The following KCNK3 variants were observed in gnomAD, a reference collection of about 807,000 sequenced individuals.
KCNK3 encodes potassium two pore domain channel subfamily K member 3.
Under a neutral mutation model 27.3 loss-of-function variants are expected in KCNK3, and 9 were observed. The ratio of observed to expected loss-of-function variants is 0.33; its 90% confidence interval spans 0.20 to 0.57. The LOEUF (loss-of-function observed/expected upper bound fraction) is 0.57. Ranked by LOEUF, KCNK3 falls within the 20% of genes least tolerant of loss-of-function variation. The pLI, the probability that KCNK3 is intolerant of heterozygous loss-of-function variation, is 0.87. For synonymous variants in KCNK3, 278 were observed against 273.8 expected (o/e 1.02, Z -0.15); for missense variants, 391 against 577.7 (o/e 0.68, Z 3.31).
intron 1 of KCNK3, among the ~76,000 whole-genome samples, chr2:26,703,137 C>A (rs556330474): frequency 3.9e-5 from 6 of 152,092 alleles, no homozygotes; most frequent in Admixed American, 1.3e-4. Context: ...AAGGGCAGGC[C>A]GGAGCTCTCT....
chr2:26,707,364 GAC>G (rs1670388434), intron 1 of KCNK3, among the ~76,000 whole-genome samples: 2 of 152,224 alleles, frequency 1.3e-5, no homozygotes, highest in Non-Finnish European at 2.9e-5. Flanking sequence ...CGAGGCTGCA[GAC>G]ACAGTTTTGT....
At chr2:26,700,401 G>A (rs1251264355) in intron 1 of KCNK3, among the ~76,000 whole-genome samples, 1 of 152,206 alleles carries the variant, frequency 6.6e-6, no homozygotes, top group East Asian at 1.9e-4. Flanking sequence ...CCCCTTAGCT[G>A]GAGCCAGCAT....
chr2:26,725,726 G>A (rs1179840288), intron 1 of KCNK3, among the ~76,000 whole-genome samples: 1 of 152,194 alleles, frequency 6.6e-6, no homozygotes, highest in Non-Finnish European at 1.5e-5. Context: ...ACAGTTACTG[G>A]CCCGACGCTG....
At position 26,729,867 on chromosome 2, in the gene KCNK3, A is replaced by C. The variant is rs1217587752; in HGVS notation, c.*1299A>C. 1 of 151,614 alleles carries C rather than the reference A, an allele frequency of 6.6e-6. No homozygotes were observed. The highest frequency in any genetic ancestry group is 1.5e-5 in the Non-Finnish European group (1 of 68,228). 9.4% of individuals were successfully genotyped at this position (151,614 alleles called of 1,614,324 possible). On this transcript the variant is annotated 3_prime_UTR_variant, in exon 2 of 2. Transcript: ENST00000302909. ...AAAAAAAAAAATGGCAAAGGGAGACAAGAGCCCAGCCTGCTTGTTGCTAGC... is the reference window on the plus strand; with the variant it reads ...AAAAAAAAAAATGGCAAAGGGAGACCAGAGCCCAGCCTGCTTGTTGCTAGC...
At chr2:26,717,210 C>T (rs1165401879) in intron 1 of KCNK3, among the ~76,000 whole-genome samples, 7 of 152,202 alleles carry the variant, frequency 4.6e-5, no homozygotes, top group Non-Finnish European at 1.0e-4. Flanking sequence ...CTGGGCCCCG[C>T]CCTGCCCCCA....
At chr2:26,723,919 A>G (rs570065908) in intron 1 of KCNK3, among the ~76,000 whole-genome samples, 223 of 152,360 alleles carry the variant, frequency 1.5e-3, no homozygotes, top group African/African-American at 5.2e-3. Flanking sequence ...AGAGTCAGCC[A>G]CACAGAAGGA....
rs1000096411 is a variant in KCNK3, at chr2:26,731,987, T to G, written c.*3419T>G. On this transcript the variant is annotated 3_prime_UTR_variant, in exon 2 of 2. Coordinates refer to ENST00000302909, the MANE Select transcript of KCNK3 (RefSeq NM_002246.3). ...CTGCAGTAGGGGCCCCCTGGCTGAG[T>G]GGCCTGATTGACTAAAACATATGTC... 6.6e-6 allele frequency: 1 copy of G among 152,144 alleles called. No homozygotes were observed. The highest frequency in any genetic ancestry group is 1.5e-5 in the Non-Finnish European group (1 of 68,024). The allele number at this position is 152,144 out of a possible 1,614,324, so 9.4% of individuals were successfully genotyped here.
chr2:26,711,118 T>C (rs961764869), intron 1 of KCNK3, among the ~76,000 whole-genome samples: 12 of 152,138 alleles, frequency 7.9e-5, no homozygotes, highest in African/African-American at 2.9e-4. Flanking sequence ...GTCCAGCCTG[T>C]GGCAAGCAGG....
intron 1 of KCNK3, among the ~76,000 whole-genome samples, chr2:26,714,989 A>T (rs527690190): frequency 1.3e-4 from 20 of 152,342 alleles, no homozygotes; most frequent in Middle Eastern, 3.4e-3. Flanking sequence ...GAGACCCTGG[A>T]GGCCACATAC....
intron 1 of KCNK3, among the ~76,000 whole-genome samples, chr2:26,722,891 A>G (rs529670779): frequency 1.3e-5 from 2 of 152,344 alleles, no homozygotes; most frequent in East Asian, 1.9e-4. Flanking sequence ...AAAGCTGGGA[A>G]CCTCATCTCT....
At chr2:26,727,587 C>A in intron 1 of KCNK3, 80 bp from the exon 2 acceptor site, 4 of 1,506,792 alleles carry the variant, frequency 2.7e-6, no homozygotes, top group Non-Finnish European at 3.5e-6. Context: ...GGTGGCGGGG[C>A]AACGGGGAGG....
At chr2:26,702,029 G>T (rs1670314216) in intron 1 of KCNK3, among the ~76,000 whole-genome samples, 1 of 152,144 alleles carries the variant, frequency 6.6e-6, no homozygotes, top group Non-Finnish European at 1.5e-5. Flanking sequence ...GACATGGGGG[G>T]GTTTTTGTAC....
chr2:26,698,876 T>C (rs1670267873), intron 1 of KCNK3, among the ~76,000 whole-genome samples: 1 of 151,574 alleles, frequency 6.6e-6, no homozygotes, highest in Non-Finnish European at 1.5e-5. Flanking sequence ...TGGGCAGACC[T>C]TGCAGAAAGC....
Position 26,704,325 on chromosome 2 carries a change from G to A in KCNK3, c.283+11167G>A, listed in dbSNP as rs1670344362. Among the ~76,000 whole-genome samples, 3 of 152,114 alleles carry A rather than the reference G, an allele frequency of 2.0e-5. No homozygotes were observed. In the South Asian group the frequency reaches 6.2e-4, roughly 32 times the overall value. ...AACACTGAATGCACAGCTTCTGCAT[G>A]GACAACCCCAGGCCCCTGCTCTCAG... On this transcript the variant is annotated intron_variant, in intron 1 of 1. Coordinates refer to ENST00000302909, the MANE Select transcript of KCNK3 (RefSeq NM_002246.3).
intron 1 of KCNK3, among the ~76,000 whole-genome samples, chr2:26,704,618 G>A (rs1670348458): frequency 1.2e-5 from 1 of 80,576 alleles, no homozygotes; most frequent in Non-Finnish European, 2.7e-5. Flanking sequence ...GGGCAGCCTG[G>A]AGAGATCTAC....
Position 26,726,955 on chromosome 2 carries a change from G to A in KCNK3, c.284-712G>A, listed in dbSNP as rs147501158. On this transcript the variant is annotated intron_variant, in intron 1 of 1. Transcript: ENST00000302909. ...AGGCCTCCAGTTGGAGGCTGATGGGGACCCTGGAACACTCATTCATCCTGC... is the reference window on the plus strand; with the variant it reads ...AGGCCTCCAGTTGGAGGCTGATGGGAACCCTGGAACACTCATTCATCCTGC... Among the ~76,000 whole-genome samples the A allele has an allele frequency of 9.3e-3, 1,423 of 152,310 alleles. 13 individuals carry two copies. Among genetic ancestry groups the A allele is most frequent in the Admixed American group, 0.023 (356 of 15,296 alleles).
chr2:26,722,055 G>A (rs947630116), intron 1 of KCNK3, among the ~76,000 whole-genome samples: 31 of 152,162 alleles, frequency 2.0e-4, no homozygotes, highest in Non-Finnish European at 3.4e-4. Context: ...ACACTTGCTC[G>A]GTAATGTGCA....
intron 1 of KCNK3, among the ~76,000 whole-genome samples, chr2:26,717,238 T>C (rs1053403031): frequency 1.3e-5 from 2 of 152,014 alleles, no homozygotes; most frequent in African/African-American, 4.8e-5. Context: ...GCCCACTGGG[T>C]GAGATTTCAG....
At chr2:26,718,378 C>G (rs1394323260) in intron 1 of KCNK3, among the ~76,000 whole-genome samples, 1 of 152,206 alleles carries the variant, frequency 6.6e-6, no homozygotes, top group African/African-American at 2.4e-5. Context: ...ACGATCTTCA[C>G]TTTTCAACTG....
Sources: gnomAD v4.1 joint callset for allele counts (sites outside exome capture counted in the v4.1 genomes callset) on GRCh38, gnomAD v4.1.1 for gene constraint, MANE v1.5 for transcripts, NCBI Gene and HGNC (gene_info 2026-07-23, HGNC 2026-07-21) for gene names.